The following CTPS2 variants were observed in gnomAD, a reference collection of about 807,000 sequenced individuals.
CTPS2 encodes CTP synthase 2.
In CTPS2, 19 loss-of-function variants were observed where a neutral mutation model predicts 46.8. The ratio of observed to expected loss-of-function variants is 0.41; its 90% CI spans 0.28 to 0.60. The LOEUF is 0.60. Among genes scored for constraint, CTPS2 ranks in the 20% least tolerant of loss-of-function variants. The pLI is 0.35. For missense variants in CTPS2, 286 were observed against 447.6 expected (o/e 0.64, Z 3.26); for synonymous variants, 151 against 165.2 (o/e 0.91, Z 0.66).
chrX:16,682,201 C>T (rs752093660), intron 9 of CTPS2, among the ~76,000 whole-genome samples: 51 of 112,559 alleles, frequency 4.5e-4, no homozygotes, highest in Non-Finnish European at 2.6e-4. Flanking sequence ...ACAGCTTACA[C>T]AGGCCAGGCA....
rs1246711586 is a variant in CTPS2, at chrX:16,700,154, A to G, written c.167-1061T>C. Among the ~76,000 whole-genome samples the G allele has an allele frequency of 3.9e-5, 4 of 101,353 alleles. No homozygotes were observed. The Admixed American group carries it at 4.3e-4, about 11-fold the overall frequency. 88.0% of individuals were successfully genotyped at this position (101,353 alleles called of 115,157 possible). ...TTATTTTGAGACAGGGTCTCACTCT[A>G]TCGCCAGGCTGGAGTGCAGTGGTGC... On this transcript the variant is annotated intron_variant, in intron 2 of 18. Coordinates refer to ENST00000359276, the MANE Select transcript of CTPS2 (RefSeq NM_175859.3).
At chrX:16,645,183 C>T (rs1248325237) in intron 13 of CTPS2, among the ~76,000 whole-genome samples, 1 of 105,457 alleles carries the variant, frequency 9.5e-6, no homozygotes, top group Non-Finnish European at 1.9e-5. Flanking sequence ...TTAGTAGAGA[C>T]GGGGTTTCAC....
intron 10 of CTPS2, among the ~76,000 whole-genome samples, chrX:16,675,506 T>C (rs1922195061): frequency 8.9e-6 from 1 of 112,007 alleles, no homozygotes; most frequent in Non-Finnish European, 1.9e-5. Context: ...TGTATAAATA[T>C]GTTATTGTAT....
chrX:16,685,813 G>C (rs771462297), intron 8 of CTPS2, among the ~76,000 whole-genome samples: 1 of 100,910 alleles, frequency 9.9e-6, no homozygotes, highest in East Asian at 3.1e-4. Context: ...CTTGCAGTGA[G>C]CTGAGATCGC....
intron 17 of CTPS2, among the ~76,000 whole-genome samples, chrX:16,599,212 A>G (rs932652981): frequency 8.9e-6 from 1 of 112,343 alleles, no homozygotes; most frequent in African/African-American, 3.2e-5. Flanking sequence ...TTGCCAGGGC[A>G]ATTAGACAGG....
intron 13 of CTPS2, among the ~76,000 whole-genome samples, chrX:16,656,065 G>C (rs1932811164): frequency 9.0e-6 from 1 of 111,586 alleles, no homozygotes; most frequent in East Asian, 2.8e-4. Flanking sequence ...CAAAGTGCTA[G>C]GATTACAGGT....
rs1276147081 is a variant in CTPS2 at position 16,617,166 on chromosome X, T to C, written c.1530A>G (p.Glu510=). ...CCCACTTACTTGCCAGTTCAATGAT[T>C]TCCATCCTGTCTCCATCAACATCCT... ...VGQDVDGDRM[E]IIELANHPYF... is the part of the protein sequence containing the mutation. The change falls in exon 16 of 19, where the codon GAA becomes GAG. Residue 510 remains glutamate, a synonymous_variant. Transcript: ENST00000359276. 1 of 1,207,249 alleles carries C rather than the reference T, an allele frequency of 8.3e-7. No individual in the cohort carries two copies. Among genetic ancestry groups the C allele is most frequent in the Non-Finnish European group, 1.1e-6 (1 of 892,130 alleles).
At chrX:16,634,666 C>T (rs188758021) in intron 14 of CTPS2, among the ~76,000 whole-genome samples, 169 of 112,181 alleles carry the variant, frequency 1.5e-3, no homozygotes, top group African/African-American at 5.2e-3. Flanking sequence ...AAGTTAGGCT[C>T]GGCTGGGTGC....
chrX:16,592,357 C>G (rs919469342), intron 17 of CTPS2, among the ~76,000 whole-genome samples: 1 of 112,336 alleles, frequency 8.9e-6, no homozygotes, highest in South Asian at 3.7e-4. Flanking sequence ...CTTTTCTCCC[C>G]TCTAGCAACA....
At chrX:16,636,445 T>G (rs192031827) in intron 14 of CTPS2, among the ~76,000 whole-genome samples, 1 of 112,028 alleles carries the variant, frequency 8.9e-6, no homozygotes. Flanking sequence ...ACAAATCATA[T>G]GGTTCCATTT....
intron 1 of CTPS2, among the ~76,000 whole-genome samples, chrX:16,703,900 C>T (rs1254073147): frequency 1.8e-5 from 2 of 108,761 alleles, no homozygotes; most frequent in Non-Finnish European, 3.8e-5. Flanking sequence ...CAGTGTCAGA[C>T]TGATCTGTAC....
chrX:16,643,487 A>T (rs753729917), intron 13 of CTPS2, among the ~76,000 whole-genome samples: 2 of 111,475 alleles, frequency 1.8e-5, no homozygotes, highest in Non-Finnish European at 3.8e-5. Flanking sequence ...GATTATAGGC[A>T]TGAGCCACCA....
chrX:16,708,539 A>C (rs1925191671), intron 1 of CTPS2, among the ~76,000 whole-genome samples: 1 of 110,495 alleles, frequency 9.1e-6, no homozygotes, highest in African/African-American at 3.3e-5. Flanking sequence ...TAAATAAATA[A>C]ATTATATATA....
At chrX:16,663,444 G>C (rs1009132948) in intron 13 of CTPS2, among the ~76,000 whole-genome samples, 2 of 112,047 alleles carry the variant, frequency 1.8e-5, no homozygotes, top group Non-Finnish European at 3.8e-5. Context: ...ACTGCACCTA[G>C]CCAAGATCTT....
Position 16,685,037 on chromosome X carries a change from A to G in CTPS2, c.873-1811T>C, listed in dbSNP as rs1212859730. The stretch of plus-strand genomic sequence containing the variant: ...ATCCAGGAGGCAGGGGTTGCAGTGA[A>G]CCGAGATCATGCCACTGCACTCCAG... On this transcript the variant is annotated intron_variant, in intron 8 of 18. Transcript: ENST00000359276. Among the ~76,000 whole-genome samples the G allele has an allele frequency of 5.4e-5, 6 of 110,742 alleles. No individual in the cohort carries two copies. In the East Asian group the frequency reaches 1.7e-3, roughly 32 times the overall value.
intron 8 of CTPS2, among the ~76,000 whole-genome samples, chrX:16,688,177 C>T (rs934309189): frequency 9.0e-6 from 1 of 111,507 alleles, no homozygotes; most frequent in Admixed American, 9.6e-5. Flanking sequence ...ACAGGCGAAT[C>T]GCCTGAGGTC....
intron 13 of CTPS2, among the ~76,000 whole-genome samples, chrX:16,659,128 G>A (rs1932885490): frequency 8.9e-6 from 1 of 111,850 alleles, no homozygotes; most frequent in African/African-American, 3.3e-5. Flanking sequence ...CTGATATCTA[G>A]CTCATGCTAG....
chrX:16,671,505 CTTTTTTTTTTTT>C (rs11323776), intron 10 of CTPS2, among the ~76,000 whole-genome samples: 1 of 48,062 alleles, frequency 2.1e-5, no homozygotes, highest in Non-Finnish European at 3.6e-5. Flanking sequence ...TAACATTTTT[CTTTTTTTTTTTT>C]TTTTTTTTTT....
chrX:16,611,414 G>A (rs1387410341), intron 16 of CTPS2, among the ~76,000 whole-genome samples: 1 of 108,867 alleles, frequency 9.2e-6, no homozygotes, highest in Non-Finnish European at 1.9e-5. Context: ...TAATACCACT[G>A]CACTCCAGCC....
Sources: gnomAD v4.1 joint callset for allele counts (sites outside exome capture counted in the v4.1 genomes callset) on GRCh38, gnomAD v4.1.1 for gene constraint, MANE v1.5 for transcripts, NCBI Gene and HGNC (gene_info 2026-07-23, HGNC 2026-07-21) for gene names.